Variants in NOS1 observed in about 807,000 individuals in gnomAD.
The protein encoded by NOS1 is nitric oxide synthase 1, also known as NOS type I.
A neutral mutation model predicts 164.5 loss-of-function variants in NOS1; 51 were observed. The observed-to-expected ratio is 0.31, with a 90% CI of 0.25 to 0.39. The LOEUF (loss-of-function observed/expected upper bound fraction) is 0.39, where lower values mean the gene tolerates loss of function less well. NOS1 is among the 10% of genes least tolerant of loss of function. NOS1 has a pLI of 1.00. For synonymous variants in NOS1, 719 were observed against 745.8 expected (o/e 0.96, Z 0.59); for missense variants, 1,362 against 1,885.6 (o/e 0.72, Z 5.14).
At chr12:117,351,063 G>A (rs1876593390) in intron 1 of NOS1, among the ~76,000 whole-genome samples, 1 of 152,082 alleles carries the variant, frequency 6.6e-6, no homozygotes, top group Non-Finnish European at 1.5e-5. Flanking sequence ...GCAGTGAGCC[G>A]AGATCGCGCC....
intron 1 of NOS1, among the ~76,000 whole-genome samples, chr12:117,331,792 A>T (rs1875561339): frequency 2.6e-5 from 4 of 151,768 alleles, no homozygotes; most frequent in African/African-American, 9.7e-5. Flanking sequence ...GAATCAAAAG[A>T]CCTCTCTTAT....
intron 2 of NOS1, among the ~76,000 whole-genome samples, chr12:117,313,326 G>A (rs1034635193): frequency 3.3e-5 from 5 of 151,976 alleles, no homozygotes; most frequent in South Asian, 2.1e-4. Context: ...AGACAGTCTC[G>A]CCCTGTTACC....
Position 117,311,550 on chromosome 12 carries a change from C to T in NOS1, c.768G>A (p.Val256=), listed in dbSNP as rs1269245492. ...GKSHKPLPLG[V]ENDRVFNDLW... is the part of the protein sequence containing the mutation. ...GGTCATTGAAGACTCGGTCGTTCTC[C>T]ACGCCGAGGGGCAGAGGTTTGTGTG... Residue 256 remains valine, a synonymous_variant, in exon 3 of 29, where the codon GTG becomes GTA. Transcript: ENST00000317775. 6.8e-6 allele frequency: 11 copies of T among 1,613,108 alleles called. No individual in the cohort carries two copies. In the South Asian group the frequency reaches 1.1e-4, roughly 16 times the overall value.
intron 7 of NOS1, among the ~76,000 whole-genome samples, chr12:117,284,279 G>A (rs1323278774): frequency 6.6e-6 from 1 of 152,186 alleles, no homozygotes; most frequent in Non-Finnish European, 1.5e-5. Context: ...GCAGTGAGCG[G>A]GCAGAGTCAA....
chr12:117,209,449 C>T lies in NOS1; in HGVS notation c.*5860G>A, dbSNP rs1956494939. On this transcript the variant is annotated 3_prime_UTR_variant, in exon 29 of 29. Transcript: ENST00000317775. ...CTAGAACTTAGGAGTCAAATCTGGG[C>T]ACTTCGATGTCCTGGAGTTACTTTC... The T allele has an allele frequency of 3.0e-6, 3 of 985,326 alleles. No individual in the cohort carries two copies. Among genetic ancestry groups the T allele is most frequent in the Admixed American group, 6.2e-5 (1 of 16,260 alleles). The allele number at this position is 985,326 out of a possible 1,614,324, so 61.0% of individuals were successfully genotyped here.
chr12:117,304,220 C>T (rs1365460881), intron 3 of NOS1, among the ~76,000 whole-genome samples: 1 of 151,956 alleles, frequency 6.6e-6, no homozygotes, highest in Non-Finnish European at 1.5e-5. Context: ...GGTGTTAGCA[C>T]CAAAGGCAAC....
chr12:117,264,165 A>T (rs1173210697), intron 12 of NOS1, among the ~76,000 whole-genome samples, 191 bp from the exon 13 acceptor site: 2 of 150,934 alleles, frequency 1.3e-5, no homozygotes, highest in Non-Finnish European at 2.9e-5. Flanking sequence ...GTCCTTGCCC[A>T]GTGGGTGGTC....
At chr12:117,258,527 C>T in intron 15 of NOS1, 72 bp from the exon 16 acceptor site, 1 of 1,484,988 alleles carries the variant, frequency 6.7e-7, no homozygotes, top group Non-Finnish European at 9.3e-7. Context: ...TACTGAGGGT[C>T]TGGGGTCCTG....
At position 117,256,284 on chromosome 12, in the gene NOS1, G is replaced by GTTTTTTTTTTTTTT. The variant is rs57047376; in HGVS notation, c.2531+2112_2531+2113insAAAAAAAAAAAAAA. On this transcript the variant is annotated intron_variant, in intron 16 of 28. Transcript: ENST00000317775. Reference sequence around the variant, plus strand: ...CAAAGAAAATCAGAAGGGATTTTCTGTTTTTTTTTTTTGAGACGGAGTCTC... The same window carrying GTTTTTTTTTTTTTT: ...CAAAGAAAATCAGAAGGGATTTTCTGTTTTTTTTTTTTTTTTTTTTTTTTTTGAGACGGAGTCTC... Among the ~76,000 whole-genome samples, 304 of 118,418 alleles carry GTTTTTTTTTTTTTT rather than the reference G, an allele frequency of 2.6e-3. 56 individuals carry two copies. The highest frequency in any genetic ancestry group is 9.9e-3 in the African/African-American group (259 of 26,132). The allele number at this position is 118,418 out of a possible 152,430, so 77.7% of individuals were successfully genotyped here.
In NOS1 at chr12:117,331,312, T is replaced by A. The variant is rs1490028765; in HGVS notation, c.-243A>T. 3.8e-6 allele frequency: 2 copies of A among 524,732 alleles called. No homozygotes were observed. Among genetic ancestry groups the A allele is most frequent in the Non-Finnish European group, 6.8e-6 (2 of 294,592 alleles). The allele number at this position is 524,732 out of a possible 1,614,324, so 32.5% of individuals were successfully genotyped here. ...CTCTCCTTATTCTCTAAGGAAGTGATGGTTGACCAGGCAGACGTCAAGAGA... is the reference window on the plus strand; with the variant it reads ...CTCTCCTTATTCTCTAAGGAAGTGAAGGTTGACCAGGCAGACGTCAAGAGA... On this transcript the variant is annotated 5_prime_UTR_variant, in exon 2 of 29. Coordinates refer to ENST00000317775, the MANE Select transcript of NOS1 (RefSeq NM_000620.5).
chr12:117,269,553 G>T (rs56779634), intron 10 of NOS1, among the ~76,000 whole-genome samples: 1 of 135,200 alleles, frequency 7.4e-6, no homozygotes, highest in Admixed American at 8.2e-5. Flanking sequence ...TGCAACCTCC[G>T]CTTCCTGGGT....
intron 16 of NOS1, among the ~76,000 whole-genome samples, chr12:117,258,196 G>A (rs1213284420): frequency 6.6e-6 from 1 of 152,184 alleles, no homozygotes; most frequent in Non-Finnish European, 1.5e-5. Context: ...AAAGGAAACT[G>A]AGGCACAAGG....
chr12:117,333,984 G>T (rs1875677767), intron 1 of NOS1, among the ~76,000 whole-genome samples: 2 of 152,228 alleles, frequency 1.3e-5, no homozygotes, highest in Non-Finnish European at 2.9e-5. Flanking sequence ...TTTAATGAAA[G>T]AAGCAACTGA....
Position 117,331,328 on chromosome 12 carries a change from C to T in NOS1, c.-259G>A, listed in dbSNP as rs1322325614. 13 of 491,792 alleles carry T rather than the reference C, an allele frequency of 2.6e-5. No homozygotes were observed. Among genetic ancestry groups the T allele is most frequent in the Middle Eastern group, 1.1e-3 (2 of 1,832 alleles). 30.5% of individuals were successfully genotyped at this position (491,792 alleles called of 1,614,324 possible). On this transcript the variant is annotated 5_prime_UTR_variant, in exon 2 of 29. Transcript: ENST00000317775. ...AGGAAGTGATGGTTGACCAGGCAGA[C>T]GTCAAGAGAGGCGGTGGGACGTGTC...
intron 26 of NOS1, among the ~76,000 whole-genome samples, chr12:117,221,818 ATTT>A (rs3070338): frequency 0.046 from 5,171 of 111,600 alleles, 125 homozygotes; most frequent in African/African-American, 0.12. Context: ...GCTAACTTAA[ATTT>A]TTTTTTTTTT....
intron 3 of NOS1, among the ~76,000 whole-genome samples, chr12:117,298,933 C>G (rs906553311): frequency 2.0e-5 from 3 of 152,244 alleles, no homozygotes; most frequent in African/African-American, 7.2e-5. Context: ...TATTCTTATG[C>G]TATCGGCACC....
rs966107917 is a variant in NOS1 at position 117,331,238 on chromosome 12, C to A, written c.-169G>T. On this transcript the variant is annotated 5_prime_UTR_variant, in exon 2 of 29. Coordinates refer to ENST00000317775, the MANE Select transcript of NOS1 (RefSeq NM_000620.5). ...GTCTTTGACGTCAGCTCAGCGTCACCCACTCATGGCTGGTGGCCCGTCGGT... is the reference window on the plus strand; with the variant it reads ...GTCTTTGACGTCAGCTCAGCGTCACACACTCATGGCTGGTGGCCCGTCGGT... The A allele has an allele frequency of 7.9e-6, 6 of 762,006 alleles. No homozygotes were observed. Among genetic ancestry groups the A allele is most frequent in the Non-Finnish European group, 1.2e-5 (6 of 485,246 alleles). 47.2% of individuals were successfully genotyped at this position (762,006 alleles called of 1,614,324 possible).
At chr12:117,235,304 C>G (rs1432225059) in intron 20 of NOS1, among the ~76,000 whole-genome samples, 1 of 152,110 alleles carries the variant, frequency 6.6e-6, no homozygotes, top group Non-Finnish European at 1.5e-5. Flanking sequence ...TCATCTGGAT[C>G]TGGAAGCAGT....
intron 20 of NOS1, among the ~76,000 whole-genome samples, chr12:117,240,110 A>G (rs1484681292): frequency 6.6e-6 from 1 of 152,226 alleles, no homozygotes; most frequent in Non-Finnish European, 1.5e-5. Context: ...AGAAATTTCC[A>G]GTAGATTATT....
Sources: allele counts gnomAD v4.1 joint callset (sites outside exome capture counted in the v4.1 genomes callset), GRCh38; gene constraint gnomAD v4.1.1; transcripts MANE v1.5; gene names NCBI Gene and HGNC (gene_info 2026-07-23, HGNC 2026-07-21).